THSD4: variants seen among roughly 807,000 people sequenced by gnomAD.
THSD4 encodes thrombospondin type-1 domain-containing protein 4.
A neutral mutation model predicts 119.0 loss-of-function variants in THSD4; 69 were observed. The ratio of observed to expected loss-of-function variants is 0.58; its 90% CI spans 0.48 to 0.71. THSD4 has a LOEUF of 0.71. Ranked by LOEUF, THSD4 falls within the 30% of genes least tolerant of loss-of-function variation. The probability of loss-of-function intolerance (pLI) is 0.00; values close to 1 mark genes in which losing one functional copy is unlikely to be tolerated. For missense variants in THSD4, 1,393 were observed against 1,391.1 expected, an observed-to-expected ratio of 1.00 and a Z score of -0.02; for synonymous variants, 524 against 540.4, an observed-to-expected ratio of 0.97 and a Z score of 0.42.
At chr15:71,382,182 A>T (rs74021978) in intron 6 of THSD4, among the ~76,000 whole-genome samples, 7,299 of 152,238 alleles carry the variant, frequency 0.048, 199 homozygotes, top group African/African-American at 0.074. Context: ...TTTCTTTAGT[A>T]ATCAAAGACC....
chr15:71,414,280 A>G (rs903001416), intron 7 of THSD4, among the ~76,000 whole-genome samples: 1 of 152,240 alleles, frequency 6.6e-6, no homozygotes, highest in Non-Finnish European at 1.5e-5. Flanking sequence ...GCATATACCT[A>G]CATATATACC....
At chr15:71,468,273 A>G (rs147088685) in intron 7 of THSD4, among the ~76,000 whole-genome samples, 79 of 152,298 alleles carry the variant, frequency 5.2e-4, no homozygotes, top group South Asian at 2.1e-3. Context: ...GGCCATGTGT[A>G]ACTGTGAGTC....
At position 71,256,676 on chromosome 15, in the gene THSD4, T is replaced by C. The variant is rs758916387; in HGVS notation, c.976T>C (p.Phe326Leu). Residue 326 changes from phenylalanine (F) to leucine (L), a missense_variant, in exon 6 of 18, where the codon TTC becomes CTC. Physicochemically the swap from Phe to Leu is conservative, Grantham distance 22. Transcript: ENST00000261862. ...VQCASYNNKP[F>L]MGRFYEWEPF... ...GTGTGCATCCTACAACAACAAGCCA[T>C]TCATGGGCCGGTTTTATGAGTGGGA... The C allele has an allele frequency of 1.4e-5, 23 of 1,613,796 alleles. No homozygotes were observed. The East Asian group carries it at 5.1e-4, about 36-fold the overall frequency.
intron 7 of THSD4, among the ~76,000 whole-genome samples, chr15:71,574,303 C>T (rs1371832239): frequency 6.6e-6 from 1 of 152,118 alleles, no homozygotes; most frequent in Non-Finnish European, 1.5e-5. Flanking sequence ...CTTGCAACAA[C>T]CCTGGTAGAT....
At chr15:71,279,808 C>G (rs1343061708) in intron 6 of THSD4, among the ~76,000 whole-genome samples, 1 of 151,700 alleles carries the variant, frequency 6.6e-6, no homozygotes, top group Non-Finnish European at 1.5e-5. Context: ...ACAAAGATTG[C>G]TACAACATGT....
chr15:71,217,316 T>C (rs971258167), intron 4 of THSD4, among the ~76,000 whole-genome samples: 1 of 152,104 alleles, frequency 6.6e-6, no homozygotes, highest in African/African-American at 2.4e-5. Flanking sequence ...TAGCCTGATA[T>C]CGGTTAAGAT....
chr15:71,563,013 C>G (rs2049154951), intron 7 of THSD4, among the ~76,000 whole-genome samples: 1 of 152,144 alleles, frequency 6.6e-6, no homozygotes, highest in South Asian at 2.1e-4. Flanking sequence ...TCTATAACAT[C>G]AAGTCTCAGA....
chr15:71,276,444 C>T (rs1192074903), intron 6 of THSD4, among the ~76,000 whole-genome samples: 1 of 152,158 alleles, frequency 6.6e-6, no homozygotes. Context: ...AGTCATAACG[C>T]GCAGGTCTCC....
At chr15:71,165,698 G>C (rs2043288559) in intron 3 of THSD4, among the ~76,000 whole-genome samples, 1 of 152,118 alleles carries the variant, frequency 6.6e-6, no homozygotes, top group Non-Finnish European at 1.5e-5. Flanking sequence ...AATTTTCTCA[G>C]TGGCCTAGGC....
intron 6 of THSD4, among the ~76,000 whole-genome samples, chr15:71,334,829 G>A (rs923169860): frequency 2.6e-5 from 4 of 152,214 alleles, no homozygotes; most frequent in African/African-American, 9.6e-5. Context: ...ACTGGAAGAA[G>A]GAAGATGCAC....
intron 8 of THSD4, among the ~76,000 whole-genome samples, chr15:71,684,473 A>G (rs1253735709): frequency 2.0e-5 from 3 of 151,822 alleles, no homozygotes; most frequent in Non-Finnish European, 4.4e-5. Context: ...ATATGATTAC[A>G]TGCTCATCAT....
At chr15:71,170,044 A>G (rs1672359743) in intron 3 of THSD4, among the ~76,000 whole-genome samples, 1 of 152,138 alleles carries the variant, frequency 6.6e-6, no homozygotes, top group African/African-American at 2.4e-5. Flanking sequence ...CATGATGGTG[A>G]GTGCCTGTAA....
intron 6 of THSD4, among the ~76,000 whole-genome samples, chr15:71,268,108 A>G (rs2044484000): frequency 6.6e-6 from 1 of 152,164 alleles, no homozygotes; most frequent in Non-Finnish European, 1.5e-5. Context: ...GAACAAGTGG[A>G]CCTAATAGAC....
At chr15:71,172,219 G>C (rs192302750) in intron 3 of THSD4, 1 of 152,102 alleles carries the variant, frequency 6.6e-6, no homozygotes, top group African/African-American at 2.4e-5. Flanking sequence ...CAGCTACTTA[G>C]TAGGCTGAGG....
intron 3 of THSD4, among the ~76,000 whole-genome samples, chr15:71,156,798 C>T (rs1031377830): frequency 1.3e-5 from 2 of 152,124 alleles, no homozygotes; most frequent in Non-Finnish European, 2.9e-5. Context: ...ACTTACTGGT[C>T]TTGTTCATGG....
intron 6 of THSD4, among the ~76,000 whole-genome samples, chr15:71,387,837 C>T (rs143788784): frequency 1.3e-5 from 2 of 152,150 alleles, no homozygotes; most frequent in Non-Finnish European, 2.9e-5. Flanking sequence ...TTTTCTCAGC[C>T]CAGAACCCCT....
intron 13 of THSD4, among the ~76,000 whole-genome samples, chr15:71,747,702 G>A (rs1359986768): frequency 6.6e-6 from 1 of 152,164 alleles, no homozygotes; most frequent in Non-Finnish European, 1.5e-5. Context: ...AACTTCATGA[G>A]TCAGAAATAA....
intron 3 of THSD4, among the ~76,000 whole-genome samples, chr15:71,203,707 G>A (rs2140240715): frequency 6.6e-6 from 1 of 152,254 alleles, no homozygotes; most frequent in Non-Finnish European, 1.5e-5. Context: ...GTGGGTGAGG[G>A]AAAGGCTAAG....
At chr15:71,617,237 A>G (rs941593560) in intron 7 of THSD4, among the ~76,000 whole-genome samples, 6 of 152,236 alleles carry the variant, frequency 3.9e-5, no homozygotes, top group Non-Finnish European at 5.9e-5. Flanking sequence ...TAGTTTTGCA[A>G]TAAAATCAGA....
Sources: gnomAD v4.1 joint callset for allele counts (sites outside exome capture counted in the v4.1 genomes callset) on GRCh38, gnomAD v4.1.1 for gene constraint, MANE v1.5 for transcripts, NCBI Gene and HGNC (gene_info 2026-07-23, HGNC 2026-07-21) for gene names.